Variants in SS18L1 observed in about 807,000 individuals in gnomAD.
SS18L1 encodes calcium-responsive transactivator.
A neutral mutation model predicts 70.3 loss-of-function variants in SS18L1; 32 were observed. The ratio of observed to expected loss-of-function variants is 0.46; its 90% CI spans 0.34 to 0.61. The LOEUF is 0.61. Ranked by LOEUF, SS18L1 falls within the 20% of genes least tolerant of loss-of-function variation. SS18L1 has a pLI of 0.01. For synonymous variants in SS18L1, 237 were observed against 229.7 expected (o/e 1.03, Z -0.29); for missense variants, 430 against 542.1 (o/e 0.79, Z 2.05).
rs1228597279 is a variant in SS18L1 at position 62,182,457 on chromosome 20, C to A, written c.*3249C>A. On this transcript the variant is annotated 3_prime_UTR_variant, in exon 11 of 11. Transcript: ENST00000331758. ...AAATTGTTTATGCTTTTGGTGTAAT[C>A]TCTTAATAAACTGGTTCTTCAAAAA... 5.3e-6 allele frequency: 1 copy of A among 190,158 alleles called. No individual in the cohort carries two copies. The highest frequency in any genetic ancestry group is 2.3e-5 in the African/African-American group (1 of 42,788). The allele number at this position is 190,158 out of a possible 1,614,324, so 11.8% of individuals were successfully genotyped here.
chr20:62,174,899 C>T lies in SS18L1; in HGVS notation c.1164+255C>T, dbSNP rs942821876. On this transcript the variant is annotated intron_variant, in intron 10 of 10. Coordinates refer to ENST00000331758, the MANE Select transcript of SS18L1 (RefSeq NM_198935.3). This position sits in a 1 kb window ranked among gnomAD's most constrained non-coding sequence, Gnocchi z 4.1. ...TGCACGCCTGGTTCTCACATTCATTCACTCTGCCAGTGTTTGTCACGTACT... is the reference window on the plus strand; with the variant it reads ...TGCACGCCTGGTTCTCACATTCATTTACTCTGCCAGTGTTTGTCACGTACT... The T allele has an allele frequency of 1.7e-5, 17 of 985,476 alleles. No homozygotes were observed. Among genetic ancestry groups the T allele is most frequent in the Non-Finnish European group, 2.0e-5 (17 of 829,932 alleles). 61.0% of individuals were successfully genotyped at this position (985,476 alleles called of 1,614,324 possible).
At chr20:62,177,459 G>C (rs566755835) in intron 10 of SS18L1, among the ~76,000 whole-genome samples, 1 of 152,164 alleles carries the variant, frequency 6.6e-6, no homozygotes. Context: ...GCAGCTCTGG[G>C]AATGAGAATG....
At chr20:62,165,376 G>A in intron 7 of SS18L1, 46 bp from the exon 8 acceptor site, 2 of 1,572,416 alleles carry the variant, frequency 1.3e-6, no homozygotes, top group Non-Finnish European at 8.6e-7. Flanking sequence ...CGGGACCTGT[G>A]CAGTGCACAG....
At chr20:62,164,479 C>A (rs144116640) in intron 7 of SS18L1, among the ~76,000 whole-genome samples, 83 of 152,344 alleles carry the variant, frequency 5.4e-4, no homozygotes, top group Admixed American at 1.2e-3. Flanking sequence ...TGGCACACAC[C>A]GCTGCACTGG....
Position 62,174,709 on chromosome 20 carries a change from T to A in SS18L1, c.1164+65T>A. ...CGCCTGTCGAGACATAATGAAGATT[T>A]CTCTTATGGCCATGAGGAATAATGA... is the stretch of plus-strand genomic sequence containing the variant. On this transcript the variant is annotated intron_variant, in intron 10 of 10. Transcript: ENST00000331758. The surrounding 1 kb of genome is among the most constrained non-coding windows in gnomAD (Gnocchi z 4.1). 1 of 1,612,064 alleles carries A rather than the reference T, an allele frequency of 6.2e-7. No homozygotes were observed. Among genetic ancestry groups the A allele is most frequent in the Non-Finnish European group, 8.5e-7 (1 of 1,179,734 alleles).
intron 1 of SS18L1, among the ~76,000 whole-genome samples, chr20:62,157,157 G>A (rs564737129): frequency 3.9e-5 from 6 of 152,244 alleles, no homozygotes; most frequent in African/African-American, 1.2e-4. Flanking sequence ...GCCTGTGGGC[G>A]TCCTGTGTGG....
At chr20:62,153,981 C>T (rs1388945558) in intron 1 of SS18L1, among the ~76,000 whole-genome samples, 1 of 152,334 alleles carries the variant, frequency 6.6e-6, no homozygotes, top group African/African-American at 2.4e-5. Flanking sequence ...CTCTTCTGTC[C>T]TGTGGACACG....
At chr20:62,149,257 G>A (rs1324701041) in intron 1 of SS18L1, among the ~76,000 whole-genome samples, 1 of 152,250 alleles carries the variant, frequency 6.6e-6, no homozygotes, top group Non-Finnish European at 1.5e-5. Context: ...GGGAGGCCTG[G>A]GAAGAGGGAG....
intron 7 of SS18L1, 122 bp from the exon 8 acceptor site, chr20:62,165,300 C>G (rs1160930683): frequency 1.1e-6 from 1 of 924,980 alleles, no homozygotes; most frequent in East Asian, 2.6e-5. Flanking sequence ...AACACGGGTC[C>G]TGCCGGCTCT....
At chr20:62,169,062 G>A (rs2057483288) in intron 8 of SS18L1, among the ~76,000 whole-genome samples, 2 of 152,204 alleles carry the variant, frequency 1.3e-5, no homozygotes, top group South Asian at 4.1e-4. Flanking sequence ...GTGGTGCTCG[G>A]TGGGGGAGGG....
Position 62,162,779 on chromosome 20 carries a change from C to T in SS18L1, c.404C>T (p.Thr135Met), listed in dbSNP as rs756376662. ...NGPSHVSMQQ[T>M]APNTLPTTSM... ...CCGAGCCACGTGTCCATGCAGCAGA[C>T]GGCGCCTAACACGCTGCCCACCACC... is the stretch of plus-strand genomic sequence containing the variant. The change falls in exon 5 of 11, where the codon ACG becomes ATG. Residue 135 changes from threonine (T) to methionine (M), a missense_variant. Transcript: ENST00000331758. 3.1e-6 allele frequency: 5 copies of T among 1,611,692 alleles called. No individual in the cohort carries two copies. Among genetic ancestry groups the T allele is most frequent in the South Asian group, 1.1e-5 (1 of 91,022 alleles).
rs1176223665 is a variant in SS18L1 at position 62,158,507 on chromosome 20, G to C, written c.70-165G>C. Among the ~76,000 whole-genome samples, 1 of 152,122 alleles carries C rather than the reference G, an allele frequency of 6.6e-6. No homozygotes were observed. Among genetic ancestry groups the C allele is most frequent in the Admixed American group, 6.6e-5 (1 of 15,264 alleles). On this transcript the variant is annotated intron_variant, in intron 1 of 10. Coordinates refer to ENST00000331758, the MANE Select transcript of SS18L1 (RefSeq NM_198935.3). This position sits in a 1 kb window ranked among gnomAD's most constrained non-coding sequence, Gnocchi z 4.5. Reference sequence around the variant, plus strand: ...TTCGGATTAGGGATGCCAAACCGGTGGGTCTAATACAGATATCCCCAAATC... The same window carrying C: ...TTCGGATTAGGGATGCCAAACCGGTCGGTCTAATACAGATATCCCCAAATC...
intron 10 of SS18L1, among the ~76,000 whole-genome samples, chr20:62,175,648 C>CT (rs997479963): frequency 6.6e-6 from 1 of 152,218 alleles, no homozygotes; most frequent in Non-Finnish European, 1.5e-5. Flanking sequence ...GTTAGGGACA[C>CT]TTTACACTGC....
At chr20:62,175,976 G>A (rs982268734) in intron 10 of SS18L1, among the ~76,000 whole-genome samples, 5 of 152,248 alleles carry the variant, frequency 3.3e-5, no homozygotes, top group Non-Finnish European at 7.3e-5. Flanking sequence ...TGTGCTGGGC[G>A]CTGGTCAGCG....
intron 1 of SS18L1, among the ~76,000 whole-genome samples, chr20:62,157,146 G>A (rs1004255388): frequency 3.9e-5 from 6 of 152,126 alleles, no homozygotes; most frequent in African/African-American, 4.8e-5. Context: ...TGCTCCCCAC[G>A]GCCTGTGGGC....
At chr20:62,156,352 G>A (rs1322023358) in intron 1 of SS18L1, among the ~76,000 whole-genome samples, 2 of 152,178 alleles carry the variant, frequency 1.3e-5, no homozygotes, top group African/African-American at 2.4e-5. Flanking sequence ...CCTGGCAGGT[G>A]GACTCTCCCT....
chr20:62,176,636 G>A (rs1252247995), intron 10 of SS18L1, among the ~76,000 whole-genome samples: 4 of 152,264 alleles, frequency 2.6e-5, no homozygotes, highest in Non-Finnish European at 1.5e-5. Context: ...CCAACATGGT[G>A]AAACCCCATC....
chr20:62,163,424 C>G, intron 5 of SS18L1, 34 bp from the exon 6 acceptor site: 1 of 1,610,384 alleles, frequency 6.2e-7, no homozygotes, highest in Non-Finnish European at 8.5e-7. Flanking sequence ...GGAGGCTTCC[C>G]GGGGTGATGT....
At chr20:62,166,187 C>T (rs943594658) in intron 8 of SS18L1, among the ~76,000 whole-genome samples, 3 of 152,250 alleles carry the variant, frequency 2.0e-5, no homozygotes, top group African/African-American at 7.2e-5. Context: ...TAAAGATGGC[C>T]CCCAGAGAAG....
Sources: allele counts gnomAD v4.1 joint callset (sites outside exome capture counted in the v4.1 genomes callset), GRCh38; gene constraint gnomAD v4.1.1; non-coding constraint Gnocchi (gnomAD v3.1); transcripts MANE v1.5; gene names NCBI Gene and HGNC (gene_info 2026-07-23, HGNC 2026-07-21).